The following CADM2 variants were observed in gnomAD, a reference collection of about 807,000 sequenced individuals.
The protein encoded by CADM2 is immunoglobulin superfamily member 4D.
Under a neutral mutation model 49.8 loss-of-function variants are expected in CADM2, and 12 were observed. The ratio of observed to expected loss-of-function variants is 0.24; its 90% confidence interval spans 0.15 to 0.39. The LOEUF is 0.39. Ranked by LOEUF, CADM2 falls within the 10% of genes least tolerant of loss-of-function variation. CADM2 has a pLI of 1.00. For synonymous variants in CADM2, 214 were observed against 175.4 expected (o/e 1.22, Z -1.74); for missense variants, 378 against 492.3 (o/e 0.77, Z 2.20).
intron 1 of CADM2, among the ~76,000 whole-genome samples, chr3:85,615,712 T>G (rs2063785404): frequency 6.6e-6 from 1 of 151,662 alleles, no homozygotes; most frequent in Non-Finnish European, 1.5e-5. Context: ...ATGACATGGA[T>G]GCAAATTGGC....
chr3:85,290,451 C>A (rs1428428495), intron 1 of CADM2, among the ~76,000 whole-genome samples: 2 of 152,206 alleles, frequency 1.3e-5, no homozygotes, highest in Non-Finnish European at 2.9e-5. Context: ...CTCAAGGAGG[C>A]CTGCTTGCCT....
At chr3:85,552,533 A>G (rs1414787730) in intron 1 of CADM2, among the ~76,000 whole-genome samples, 1 of 151,468 alleles carries the variant, frequency 6.6e-6, no homozygotes, top group South Asian at 2.1e-4. Flanking sequence ...GGCGCCCGCC[A>G]CCATGCCTGG....
At chr3:86,028,788 A>AGG (rs1167152099) in intron 8 of CADM2, among the ~76,000 whole-genome samples, 1 of 152,132 alleles carries the variant, frequency 6.6e-6, no homozygotes, top group African/African-American at 2.4e-5. Flanking sequence ...AACTTTCTTA[A>AGG]TCCTCAGTAT....
At chr3:85,536,957 A>C (rs1289712518) in intron 1 of CADM2, among the ~76,000 whole-genome samples, 1 of 152,028 alleles carries the variant, frequency 6.6e-6, no homozygotes, top group African/African-American at 2.4e-5. Flanking sequence ...CATGGCAAAA[A>C]AAAATAGGAT....
chr3:85,759,203 C>T (rs1270707430), intron 2 of CADM2, among the ~76,000 whole-genome samples: 3 of 152,024 alleles, frequency 2.0e-5, no homozygotes, highest in East Asian at 1.9e-4. Context: ...GAATAAAAGA[C>T]ATTGCTTGAG....
At chr3:85,913,922 TA>T (rs1265319061) in intron 6 of CADM2, among the ~76,000 whole-genome samples, 13 of 152,084 alleles carry the variant, frequency 8.5e-5, no homozygotes, top group Non-Finnish European at 1.6e-4. Context: ...TTGTTGTTTT[TA>T]TTTCTAGGAA....
chr3:85,754,069 C>T (rs1372205648), intron 2 of CADM2, among the ~76,000 whole-genome samples: 3 of 152,110 alleles, frequency 2.0e-5, no homozygotes, highest in East Asian at 1.9e-4. Flanking sequence ...GAGGGGTGCA[C>T]GTGTCGTGTG....
chr3:85,991,388 G>T (rs1728752830), intron 8 of CADM2, among the ~76,000 whole-genome samples: 1 of 152,062 alleles, frequency 6.6e-6, no homozygotes, highest in South Asian at 2.1e-4. Context: ...ATAAAGTTTT[G>T]CCTCTTCTAT....
At chr3:86,055,984 A>G (rs1457470365) in intron 8 of CADM2, among the ~76,000 whole-genome samples, 1 of 152,218 alleles carries the variant, frequency 6.6e-6, no homozygotes, top group African/African-American at 2.4e-5. Flanking sequence ...TATGTGCCCA[A>G]TGGATAACTT....
intron 1 of CADM2, among the ~76,000 whole-genome samples, chr3:85,283,353 A>T (rs1177994747): frequency 6.6e-6 from 1 of 151,672 alleles, no homozygotes; most frequent in East Asian, 1.9e-4. Context: ...ATTCTCATTA[A>T]TACTCTTTTA....
chr3:85,504,568 A>G (rs2040243601), intron 1 of CADM2, among the ~76,000 whole-genome samples: 1 of 152,186 alleles, frequency 6.6e-6, no homozygotes, highest in South Asian at 2.1e-4. Context: ...TTAGACACCA[A>G]GCTTCTCCAT....
chr3:85,646,197 T>C (rs913398026), intron 1 of CADM2, among the ~76,000 whole-genome samples: 2 of 152,032 alleles, frequency 1.3e-5, no homozygotes, highest in Non-Finnish European at 2.9e-5. Context: ...CCATAGCAAC[T>C]GACTTCAACC....
At chr3:85,134,381 A>G (rs1000058669) in intron 1 of CADM2, among the ~76,000 whole-genome samples, 3 of 152,228 alleles carry the variant, frequency 2.0e-5, no homozygotes, top group Non-Finnish European at 4.4e-5. Context: ...AGGCGCCGAG[A>G]GCGAGCGAGG....
intron 8 of CADM2, among the ~76,000 whole-genome samples, chr3:86,009,421 T>A (rs1399645392): frequency 6.6e-6 from 1 of 151,524 alleles, no homozygotes; most frequent in Non-Finnish European, 1.5e-5. Flanking sequence ...TATTTCATTG[T>A]TTTTTACTAT....
intron 1 of CADM2, among the ~76,000 whole-genome samples, chr3:85,202,601 G>A (rs2041533094): frequency 6.6e-6 from 1 of 152,122 alleles, no homozygotes; most frequent in Admixed American, 6.6e-5. Flanking sequence ...AGGCAGAGTA[G>A]ATTTAGTATA....
At chr3:85,893,029 G>A (rs749857700) in intron 5 of CADM2, among the ~76,000 whole-genome samples, 10 of 152,182 alleles carry the variant, frequency 6.6e-5, no homozygotes, top group Non-Finnish European at 1.5e-4. Context: ...TTGTTGGGAA[G>A]TGGAGTAAAG....
chr3:85,660,006 A>G (rs1313884979), intron 1 of CADM2, among the ~76,000 whole-genome samples: 1 of 152,104 alleles, frequency 6.6e-6, no homozygotes, highest in Non-Finnish European at 1.5e-5. Context: ...TTACTTTAAA[A>G]CCTAAGAATT....
chr3:85,549,987 A>T (rs1268362829), intron 1 of CADM2, among the ~76,000 whole-genome samples: 2 of 152,064 alleles, frequency 1.3e-5, no homozygotes, highest in Non-Finnish European at 2.9e-5. Flanking sequence ...CAGCTAACAC[A>T]TGTATTTGTA....
intron 1 of CADM2, among the ~76,000 whole-genome samples, chr3:85,288,177 C>T (rs907119690): frequency 2.0e-5 from 3 of 152,046 alleles, no homozygotes; most frequent in Non-Finnish European, 1.5e-5. Flanking sequence ...ACTTTCTGAA[C>T]TTGTTTCCTT....
Sources: gnomAD v4.1 joint callset for allele counts (sites outside exome capture counted in the v4.1 genomes callset) on GRCh38, gnomAD v4.1.1 for gene constraint, MANE v1.5 for transcripts, NCBI Gene and HGNC (gene_info 2026-07-23, HGNC 2026-07-21) for gene names.